ONECUT2: variants seen among roughly 807,000 people sequenced by gnomAD.
The protein encoded by ONECUT2 is one cut domain family member 2.
Under a neutral mutation model 27.9 loss-of-function variants are expected in ONECUT2, and 10 were observed. That is an observed-to-expected ratio of 0.36 (90% CI 0.22 to 0.61). The LOEUF (loss-of-function observed/expected upper bound fraction) is 0.61, where lower values mean the gene tolerates loss of function less well. Among genes scored for constraint, ONECUT2 ranks in the 20% least tolerant of loss-of-function variants. The pLI is 0.73. For missense variants in ONECUT2, 686 were observed against 721.0 expected (o/e 0.95, Z 0.56); for synonymous variants, 334 against 315.1 (o/e 1.06, Z -0.64).
intron 1 of ONECUT2, among the ~76,000 whole-genome samples, chr18:57,441,997 C>T (rs898550314): frequency 1.1e-4 from 17 of 152,146 alleles, no homozygotes; most frequent in African/African-American, 3.4e-4. Context: ...CGTCCTGGGC[C>T]GAGGCCCGGG....
At chr18:57,443,556 A>C (rs2144297255) in intron 1 of ONECUT2, among the ~76,000 whole-genome samples, 1 of 152,098 alleles carries the variant, frequency 6.6e-6, no homozygotes, top group South Asian at 2.1e-4. Flanking sequence ...TCCCTAACCA[A>C]CCTCTGTGCC....
rs1598926454 is a variant in ONECUT2, at chr18:57,435,847, G to A, written c.131G>A (p.Gly44Asp). ...GCCGGCGGCGGCAGTGGCGGGGGCG[G>A]CGGCGGGGGCGGCGGGGGCGGCGGC... ...GPAGGGSGGG[G>D]GGGGGGGGGG... Residue 44 changes from glycine to aspartate, a missense_variant, in exon 1 of 2, where the codon GGC becomes GAC. This residue lies in a region of ONECUT2 where 511 missense variants were observed against 488.1 expected (regional missense o/e 1.05). Coordinates refer to ENST00000491143, the MANE Select transcript of ONECUT2 (RefSeq NM_004852.3). The A allele has an allele frequency of 3.0e-6, 3 of 1,002,652 alleles. No individual in the cohort carries two copies. Among genetic ancestry groups the A allele is most frequent in the Non-Finnish European group, 3.6e-6 (3 of 840,878 alleles). The allele number at this position is 1,002,652 out of a possible 1,614,324, so 62.1% of individuals were successfully genotyped here.
intron 1 of ONECUT2, among the ~76,000 whole-genome samples, chr18:57,449,152 T>C (rs1291538434): frequency 6.6e-6 from 1 of 152,218 alleles, no homozygotes; most frequent in Non-Finnish European, 1.5e-5. Flanking sequence ...TCCCTGCTTT[T>C]GTGAAGTTTT....
At chr18:57,437,806 C>G (rs560109080) in intron 1 of ONECUT2, among the ~76,000 whole-genome samples, 1 of 152,218 alleles carries the variant, frequency 6.6e-6, no homozygotes, top group African/African-American at 2.4e-5. Flanking sequence ...GCCGGGGCTC[C>G]GGGAGACCCT....
chr18:57,481,708 A>T lies in ONECUT2; in HGVS notation c.*4985A>T, dbSNP rs1440251504. On this transcript the variant is annotated 3_prime_UTR_variant, in exon 2 of 2. Coordinates refer to ENST00000491143, the MANE Select transcript of ONECUT2 (RefSeq NM_004852.3). ...TTTGTAGTGAACTCGGATTTTCAGG[A>T]GTTTGAATAGTTGGATATTTTAAAA... 1 of 152,118 alleles carries T rather than the reference A, an allele frequency of 6.6e-6. No individual in the cohort carries two copies. The highest frequency in any genetic ancestry group is 1.5e-5 in the Non-Finnish European group (1 of 68,030). The allele number at this position is 152,118 out of a possible 1,614,324, so 9.4% of individuals were successfully genotyped here. A position where few individuals can be genotyped will look rare whatever the true frequency, so the allele number is the denominator to read the frequency against.
intron 1 of ONECUT2, among the ~76,000 whole-genome samples, chr18:57,440,496 C>T (rs1406048668): frequency 6.6e-6 from 1 of 152,250 alleles, no homozygotes; most frequent in African/African-American, 2.4e-5. Flanking sequence ...CGGAGCTGGT[C>T]TCCAGTCCCC....
At chr18:57,451,487 G>A (rs1037962946) in intron 1 of ONECUT2, among the ~76,000 whole-genome samples, 3 of 152,164 alleles carry the variant, frequency 2.0e-5, no homozygotes, top group Non-Finnish European at 4.4e-5. Flanking sequence ...CTCTGGCTAC[G>A]GCACCATAGC....
intron 1 of ONECUT2, among the ~76,000 whole-genome samples, chr18:57,440,043 G>A (rs2050165973): frequency 6.6e-6 from 1 of 152,352 alleles, no homozygotes; most frequent in African/African-American, 2.4e-5. Context: ...GAAAGGAAAA[G>A]GGAGAAAACT....
In ONECUT2 at chr18:57,443,213, G is replaced by T. The variant is rs904740681; in HGVS notation, c.1228+6269G>T. 2.0e-5 allele frequency among the ~76,000 whole-genome samples: 3 copies of T among 152,146 alleles called. No homozygotes were observed. In the East Asian group the frequency reaches 5.8e-4, roughly 29 times the overall value. ...AGAAGCAGAGAGATTTAGTTTCTGG[G>T]TTCTTGCCAAAGGAAGGGAAATTAG... On this transcript the variant is annotated intron_variant, in intron 1 of 1. Transcript: ENST00000491143.
At chr18:57,442,209 C>A (rs2050178905) in intron 1 of ONECUT2, among the ~76,000 whole-genome samples, 2 of 150,294 alleles carry the variant, frequency 1.3e-5, no homozygotes, top group Non-Finnish European at 3.0e-5. Context: ...GATCAGGGAC[C>A]TAAGTGGGAG....
At chr18:57,469,371 C>G (rs1007147236) in intron 1 of ONECUT2, among the ~76,000 whole-genome samples, 10 of 152,304 alleles carry the variant, frequency 6.6e-5, no homozygotes, top group African/African-American at 1.9e-4. Flanking sequence ...CTTGCCCTGA[C>G]AAGATCACAT....
intron 1 of ONECUT2, among the ~76,000 whole-genome samples, chr18:57,473,206 T>C (rs1447496776): frequency 6.6e-6 from 1 of 152,250 alleles, no homozygotes; most frequent in Non-Finnish European, 1.5e-5. Flanking sequence ...TGATGTGCAG[T>C]TGGGTATGGG....
rs2050420213 is a variant in ONECUT2 at position 57,482,327 on chromosome 18, C to A, written c.*5604C>A. ...GAAGTAGTTATTAAAATATATAGGA[C>A]CTCACATAGGTAGATACAGAACTTA... On this transcript the variant is annotated 3_prime_UTR_variant, in exon 2 of 2. Transcript: ENST00000491143. 6.6e-6 allele frequency: 1 copy of A among 152,134 alleles called. No homozygotes were observed. The highest frequency in any genetic ancestry group is 2.1e-4 in the South Asian group (1 of 4,826). The allele number at this position is 152,134 out of a possible 1,614,324, so 9.4% of individuals were successfully genotyped here. A position where few individuals can be genotyped will look rare whatever the true frequency, so the allele number is the denominator to read the frequency against.
In ONECUT2 at chr18:57,486,382, G is replaced by A. The variant is rs1260865256; in HGVS notation, c.*9659G>A. 2.0e-5 allele frequency: 3 copies of A among 152,566 alleles called. No homozygotes were observed. Among genetic ancestry groups the A allele is most frequent in the Admixed American group, 6.6e-5 (1 of 15,256 alleles). The allele number at this position is 152,566 out of a possible 1,614,324, so 9.5% of individuals were successfully genotyped here. On this transcript the variant is annotated 3_prime_UTR_variant, in exon 2 of 2. Coordinates refer to ENST00000491143, the MANE Select transcript of ONECUT2 (RefSeq NM_004852.3). ...GAACAAGATTTGTACTAATACCAAA[G>A]GTTCTTTCTCTATGTCTCCTCCTCT...
Position 57,479,307 on chromosome 18 carries a change from A to G in ONECUT2, c.*2584A>G, listed in dbSNP as rs1377902096. The G allele has an allele frequency of 6.6e-6, 1 of 152,502 alleles. No individual in the cohort carries two copies. The highest frequency in any genetic ancestry group is 1.5e-5 in the Non-Finnish European group (1 of 68,044). The allele number at this position is 152,502 out of a possible 1,614,324, so 9.4% of individuals were successfully genotyped here. A position where few individuals can be genotyped will look rare whatever the true frequency, so the allele number is the denominator to read the frequency against. On this transcript the variant is annotated 3_prime_UTR_variant, in exon 2 of 2. Transcript: ENST00000491143. ...CTACTTTTCTATTAGCTTTTTAAAA[A>G]TCAGCTGTAAAGTTGCATTTCTAAA...
At chr18:57,455,386 A>G (rs956008456) in intron 1 of ONECUT2, among the ~76,000 whole-genome samples, 2 of 152,232 alleles carry the variant, frequency 1.3e-5, no homozygotes, top group Non-Finnish European at 2.9e-5. Context: ...GTTTATTTAA[A>G]CAGTCTCTAG....
intron 1 of ONECUT2, among the ~76,000 whole-genome samples, chr18:57,465,922 C>T (rs769803912): frequency 4.6e-5 from 7 of 152,138 alleles, no homozygotes; most frequent in East Asian, 1.9e-4. Context: ...CTCCTGCATC[C>T]GATCCTGGGA....
rs1412474523 is a variant in ONECUT2 at position 57,485,506 on chromosome 18, C to T, written c.*8783C>T. ...TTTAGATTCCATTAAATGATTAAAT[C>T]ACTATTAAGAGCCATTCATCAACGT... On this transcript the variant is annotated 3_prime_UTR_variant, in exon 2 of 2. Transcript: ENST00000491143. 2.0e-5 allele frequency: 3 copies of T among 152,164 alleles called. No individual in the cohort carries two copies. Among genetic ancestry groups the T allele is most frequent in the Non-Finnish European group, 4.4e-5 (3 of 68,040 alleles). 9.4% of individuals were successfully genotyped at this position (152,164 alleles called of 1,614,324 possible).
chr18:57,474,655 C>T (rs771952863), intron 1 of ONECUT2, among the ~76,000 whole-genome samples: 4 of 152,144 alleles, frequency 2.6e-5, no homozygotes, highest in Non-Finnish European at 4.4e-5. Context: ...CCAAAGGCCC[C>T]ACCTCTTAGT....
Sources: allele counts gnomAD v4.1 joint callset (sites outside exome capture counted in the v4.1 genomes callset), GRCh38; gene constraint gnomAD v4.1.1; regional missense constraint gnomAD v4.1.1; transcripts MANE v1.5; gene names NCBI Gene and HGNC (gene_info 2026-07-23, HGNC 2026-07-21).